The following CACNA2D3 variants were observed in gnomAD, a reference collection of about 807,000 sequenced individuals.
CACNA2D3 encodes the protein voltage-dependent calcium channel subunit alpha-2/delta-3.
A neutral mutation model predicts 160.6 loss-of-function variants in CACNA2D3; 60 were observed. The observed-to-expected ratio is 0.37, with a 90% CI of 0.30 to 0.46. The LOEUF is 0.46. Ranked by LOEUF, CACNA2D3 falls within the 20% of genes least tolerant of loss-of-function variation. The pLI, the probability that CACNA2D3 is intolerant of heterozygous loss-of-function variation, is 1.00. For synonymous variants in CACNA2D3, 558 were observed against 492.9 expected (o/e 1.13, Z -1.75); for missense variants, 1,205 against 1,365.0 (o/e 0.88, Z 1.85).
At chr3:54,252,710 C>T (rs1360130270) in intron 2 of CACNA2D3, among the ~76,000 whole-genome samples, 7 of 152,184 alleles carry the variant, frequency 4.6e-5, no homozygotes, top group Non-Finnish European at 1.5e-5. Context: ...CTGCCATCTC[C>T]CTGTGTCCCC....
intron 9 of CACNA2D3, among the ~76,000 whole-genome samples, chr3:54,596,097 G>C (rs1050192703): frequency 1.3e-5 from 2 of 152,080 alleles, no homozygotes; most frequent in Non-Finnish European, 2.9e-5. Context: ...CCTCATCCCA[G>C]GAATGGTGCC....
chr3:54,650,294 G>C, intron 11 of CACNA2D3, among the ~76,000 whole-genome samples: 1 of 152,070 alleles, frequency 6.6e-6, no homozygotes. Flanking sequence ...CGCCTCCCGG[G>C]TTCAAGTGGT....
chr3:54,642,137 A>T lies in CACNA2D3; in HGVS notation c.1063A>T (p.Thr355Ser). ...AFNILSDFNH[T>S]GQGSICSQAI... Reference sequence around the variant, plus strand: ...TTATTTCTTTCCCTAGTTCAACCACACGGGACAAGGAAGTATCTGCAGTCA... The same window carrying T: ...TTATTTCTTTCCCTAGTTCAACCACTCGGGACAAGGAAGTATCTGCAGTCA... Residue 355 changes from threonine to serine, a missense_variant, in exon 11 of 38, where the codon ACG (threonine) becomes TCG (serine). Physicochemically the swap from Thr to Ser is moderately conservative, Grantham distance 58. Transcript: ENST00000474759. 1 of 1,608,284 alleles carries T rather than the reference A, an allele frequency of 6.2e-7. No individual in the cohort carries two copies. Among genetic ancestry groups the T allele is most frequent in the Non-Finnish European group, 8.5e-7 (1 of 1,176,196 alleles).
intron 13 of CACNA2D3, among the ~76,000 whole-genome samples, chr3:54,782,392 C>T (rs1702553080): frequency 6.6e-6 from 1 of 152,090 alleles, no homozygotes; most frequent in Non-Finnish European, 1.5e-5. Flanking sequence ...TATTGTTTAG[C>T]ACTATGCCAC....
At chr3:54,773,243 G>T (rs1385099676) in intron 13 of CACNA2D3, among the ~76,000 whole-genome samples, 1 of 152,202 alleles carries the variant, frequency 6.6e-6, no homozygotes, top group East Asian at 1.9e-4. Context: ...CCATTTAGGA[G>T]TCATTTGGGT....
chr3:54,718,633 C>T (rs953079657), intron 11 of CACNA2D3, among the ~76,000 whole-genome samples: 47 of 151,944 alleles, frequency 3.1e-4, no homozygotes, highest in African/African-American at 1.1e-3. Context: ...CATTTTGATT[C>T]TTCAAAATTG....
At chr3:54,755,561 T>A (rs1171167619) in intron 12 of CACNA2D3, among the ~76,000 whole-genome samples, 1 of 152,174 alleles carries the variant, frequency 6.6e-6, no homozygotes, top group Admixed American at 6.5e-5. Flanking sequence ...TCTGGCTTGC[T>A]TCACTAAAAG....
At chr3:54,130,774 C>T (rs980823230) in intron 2 of CACNA2D3, among the ~76,000 whole-genome samples, 1 of 152,186 alleles carries the variant, frequency 6.6e-6, no homozygotes, top group Non-Finnish European at 1.5e-5. Context: ...AATTTTCGAT[C>T]TCACAGGTGT....
At chr3:54,788,645 A>G (rs918957994) in intron 13 of CACNA2D3, among the ~76,000 whole-genome samples, 8 of 152,146 alleles carry the variant, frequency 5.3e-5, no homozygotes, top group Non-Finnish European at 1.2e-4. Context: ...CATTGACGAA[A>G]GAAGTTTGAA....
intron 17 of CACNA2D3, among the ~76,000 whole-genome samples, chr3:54,859,972 GCACACACACACACACA>G (rs1553891454): frequency 5.6e-4 from 75 of 133,882 alleles, no homozygotes; most frequent in African/African-American, 1.9e-3. Context: ...GAAAGTAGAT[GCACACACACACACACA>G]CACACACACA....
intron 14 of CACNA2D3, among the ~76,000 whole-genome samples, chr3:54,824,770 G>A (rs1228382125): frequency 6.6e-6 from 1 of 152,162 alleles, no homozygotes; most frequent in Non-Finnish European, 1.5e-5. Context: ...CACGCCACAT[G>A]CTCAATGAGG....
rs141027137 is a variant in CACNA2D3 at position 55,003,695 on chromosome 3, T to G, written c.2691-1068T>G. 2.3e-4 allele frequency among the ~76,000 whole-genome samples: 35 copies of G among 152,270 alleles called. No individual in the cohort carries two copies. The East Asian group carries it at 6.4e-3, about 28-fold the overall frequency. On this transcript the variant is annotated intron_variant, in intron 31 of 37. Transcript: ENST00000474759. ...TAATTTCAATGGAAATTGAATGGGA[T>G]GGAGAGCTGACAATGATTTGGGAAG...
At chr3:54,562,960 C>G in intron 6 of CACNA2D3, 29 bp downstream of exon 6, 1 of 1,602,020 alleles carries the variant, frequency 6.2e-7, no homozygotes, top group Non-Finnish European at 8.5e-7. Flanking sequence ...ACAGTTATGA[C>G]TCAGATTAAT....
chr3:54,935,791 CTG>C (rs1456027574), intron 27 of CACNA2D3, among the ~76,000 whole-genome samples: 1 of 152,140 alleles, frequency 6.6e-6, no homozygotes, highest in Non-Finnish European at 1.5e-5. Flanking sequence ...AATAACAAGT[CTG>C]TGTTATGCTT....
In CACNA2D3 at chr3:54,736,052, C is replaced by T. The variant is rs867361408; in HGVS notation, c.1168-16547C>T. ...ATATATATGTATATATATACACATA[C>T]ATATGTATGTATATATATATACATA... On this transcript the variant is annotated intron_variant, in intron 11 of 37. Transcript: ENST00000474759. 7.0e-3 allele frequency among the ~76,000 whole-genome samples: 329 copies of T among 47,112 alleles called. 12 individuals carry two copies. Among genetic ancestry groups the T allele is most frequent in the African/African-American group, 0.023 (254 of 11,046 alleles). The allele number at this position is 47,112 out of a possible 152,430, so 30.9% of individuals were successfully genotyped here.
intron 5 of CACNA2D3, among the ~76,000 whole-genome samples, chr3:54,544,085 T>C (rs1235587473): frequency 6.6e-6 from 1 of 152,210 alleles, no homozygotes; most frequent in African/African-American, 2.4e-5. Context: ...TTCAAGAGGA[T>C]TGAATTGACC....
intron 11 of CACNA2D3, among the ~76,000 whole-genome samples, chr3:54,664,494 G>T (rs1461142293): frequency 6.6e-6 from 1 of 152,176 alleles, no homozygotes; most frequent in Non-Finnish European, 1.5e-5. Flanking sequence ...CCCCCTTTCA[G>T]CATCATCTGA....
chr3:54,135,330 A>G (rs1699795139), intron 2 of CACNA2D3, among the ~76,000 whole-genome samples: 2 of 152,192 alleles, frequency 1.3e-5, no homozygotes, highest in Admixed American at 6.5e-5. Flanking sequence ...TGCACCCTGC[A>G]TGGGGCCTGT....
chr3:54,859,028 C>T (rs767662962), intron 17 of CACNA2D3, among the ~76,000 whole-genome samples: 4 of 152,174 alleles, frequency 2.6e-5, no homozygotes, highest in Non-Finnish European at 5.9e-5. Flanking sequence ...AAATGAATCA[C>T]TAGAAATTTG....
Sources: allele counts gnomAD v4.1 joint callset (sites outside exome capture counted in the v4.1 genomes callset), GRCh38; gene constraint gnomAD v4.1.1; transcripts MANE v1.5; gene names NCBI Gene and HGNC (gene_info 2026-07-23, HGNC 2026-07-21).